PARP1: variants seen among roughly 807,000 people sequenced by gnomAD.
The protein encoded by PARP1 is poly [ADP-ribose] polymerase 1.
A neutral mutation model predicts 118.7 loss-of-function variants in PARP1; 44 were observed. The ratio of observed to expected loss-of-function variants is 0.37; its 90% CI spans 0.29 to 0.48. The LOEUF is 0.48. PARP1 is among the 20% of genes least tolerant of loss of function. PARP1 has a pLI of 0.99. For missense variants in PARP1, 1,100 were observed against 1,272.4 expected (o/e 0.86, Z 2.06); for synonymous variants, 492 against 483.2 (o/e 1.02, Z -0.24).
At chr1:226,381,260 C>T in intron 8 of PARP1, 52 bp from the exon 9 acceptor site, 1 of 1,610,402 alleles carries the variant, frequency 6.2e-7, no homozygotes, top group Non-Finnish European at 8.5e-7. Context: ...GTGCTGCTCC[C>T]CAGTAAGGGG....
intron 22 of PARP1, 42 bp from the exon 23 acceptor site, chr1:226,361,583 A>G (rs768370267): frequency 7.2e-7 from 1 of 1,388,184 alleles, no homozygotes; most frequent in South Asian, 1.2e-5. Context: ...CATACAACAG[A>G]GGGTATGTAC....
At chr1:226,394,146 C>G (rs986566857) in intron 2 of PARP1, among the ~76,000 whole-genome samples, 1 of 152,160 alleles carries the variant, frequency 6.6e-6, no homozygotes, top group African/African-American at 2.4e-5. Flanking sequence ...CCCAGGAGTT[C>G]AAGACCAGCC....
rs372843165 is a variant in PARP1, at chr1:226,365,796, A to AC, written c.2505+157_2505+158insG. On this transcript the variant is annotated intron_variant, in intron 18 of 22. Transcript: ENST00000366794. ...AAAAAAACAAAAAACAAACAAACAA[A>AC]AAAAAAACTACTAATTTTTCTGCTG... is the stretch of plus-strand genomic sequence containing the variant. Among the ~76,000 whole-genome samples the AC allele has an allele frequency of 6.6e-5, 10 of 151,162 alleles. 1 individual carries two copies. Among genetic ancestry groups the AC allele is most frequent in the African/African-American group, 2.4e-4 (10 of 41,098 alleles).
At chr1:226,388,576 T>G (rs377344397) in intron 5 of PARP1, 80 bp downstream of exon 5, 5 of 993,792 alleles carry the variant, frequency 5.0e-6, no homozygotes, top group African/African-American at 3.2e-5. Context: ...GGGACACAAC[T>G]CCTTGAATTG....
At position 226,366,008 on chromosome 1, in the gene PARP1, A is replaced by G. The variant is rs1191559209; in HGVS notation, c.2451T>C (p.Tyr817=). The G allele has an allele frequency of 1.9e-6, 3 of 1,613,664 alleles. No individual in the cohort carries two copies. The highest frequency in any genetic ancestry group is 1.1e-5 in the South Asian group (1 of 91,072). Residue 817 remains tyrosine (Y), a synonymous_variant, in exon 18 of 23, where the codon TAT becomes TAC. Coordinates refer to ENST00000366794, the MANE Select transcript of PARP1 (RefSeq NM_001618.4). ...GTGTGGTTGCATGAGTGTTCTTAACATACTTCCTGATGATCTCGGCTTCTT... is the reference window on the plus strand; with the variant it reads ...GTGTGGTTGCATGAGTGTTCTTAACGTACTTCCTGATGATCTCGGCTTCTT... ...DSEEAEIIRK[Y]VKNTHATTHN...
chr1:226,393,665 TG>T (rs1168196295), intron 2 of PARP1, among the ~76,000 whole-genome samples: 1 of 152,112 alleles, frequency 6.6e-6, no homozygotes, highest in Non-Finnish European at 1.5e-5. Flanking sequence ...AATTAATCTA[TG>T]GGGATAGAAA....
intron 20 of PARP1, 96 bp from the exon 21 acceptor site, chr1:226,363,256 AT>A: frequency 1.1e-6 from 1 of 875,066 alleles, no homozygotes; most frequent in East Asian, 2.4e-5. Flanking sequence ...CAGAGATGAG[AT>A]AAAAGTCCAC....
At position 226,407,830 on chromosome 1, in the gene PARP1, G is replaced by C. The variant is rs2102750262; in HGVS notation, c.100C>G (p.Arg34Gly). The change falls in exon 1 of 23, where the codon CGG becomes GGG. Residue 34 changes from arginine (R) to glycine (G), a missense_variant. Physicochemically the swap from Arg to Gly is moderately radical, Grantham distance 125. Around this residue, in one of 2 missense-constraint regions of PARP1, gnomAD observed 948 missense variants for 1,031.8 expected, o/e 0.92. Transcript: ENST00000366794. ...CGCACCTGCACCATGATGGCCATCC[G>C]GAGCGAGTCCTTGGGGATGCTCTCG... ...CSESIPKDSL[R>G]MAIMVQSPMF... 1.9e-6 allele frequency: 3 copies of C among 1,582,362 alleles called. No homozygotes were observed. Among genetic ancestry groups the C allele is most frequent in the Non-Finnish European group, 2.6e-6 (3 of 1,164,574 alleles).
intron 2 of PARP1, among the ~76,000 whole-genome samples, chr1:226,399,021 T>C (rs2102745438): frequency 6.6e-6 from 1 of 151,878 alleles, no homozygotes; most frequent in East Asian, 1.9e-4. Flanking sequence ...AATGGAATAT[T>C]ATTCAGTAAT....
chr1:226,407,771 G>T (rs774152625), intron 1 of PARP1, 39 bp downstream of exon 1: 3 of 1,473,806 alleles, frequency 2.0e-6, no homozygotes, highest in East Asian at 3.5e-5. Flanking sequence ...AACCCGGGGC[G>T]CCGCGTCCCC....
In PARP1 at chr1:226,373,812, A is replaced by C. The variant is rs1664440186; in HGVS notation, c.2070+414T>G. Among the ~76,000 whole-genome samples the C allele has an allele frequency of 2.0e-5, 3 of 152,180 alleles. No homozygotes were observed. In the South Asian group the frequency reaches 6.2e-4, roughly 32 times the overall value. ...GCTAATACACCTTGCCACAGCATGA[A>C]GAAGGGGAAAAATACAAAGGGTGGG... On this transcript the variant is annotated intron_variant, in intron 14 of 22. Coordinates refer to ENST00000366794, the MANE Select transcript of PARP1 (RefSeq NM_001618.4).
intron 12 of PARP1, among the ~76,000 whole-genome samples, chr1:226,377,665 C>T (rs1664519406): frequency 6.6e-6 from 1 of 152,080 alleles, no homozygotes; most frequent in Non-Finnish European, 1.5e-5. Flanking sequence ...GGAGTCAACC[C>T]TTACAGCTGT....
rs545114626 is a variant in PARP1, at chr1:226,363,335, C to T, written c.2787-175G>A. On this transcript the variant is annotated intron_variant, in intron 20 of 22. Coordinates refer to ENST00000366794, the MANE Select transcript of PARP1 (RefSeq NM_001618.4). Reference sequence around the variant, plus strand: ...TCTGGAACTGTTCCAGAACCTGAAACTGCAGTTGCGGCTGAACATAGTTTG... The same window carrying T: ...TCTGGAACTGTTCCAGAACCTGAAATTGCAGTTGCGGCTGAACATAGTTTG... Among the ~76,000 whole-genome samples, 51 of 152,302 alleles carry T rather than the reference C, an allele frequency of 3.3e-4. 1 individual carries two copies. The highest frequency in any genetic ancestry group is 1.2e-3 in the African/African-American group (48 of 41,568).
At chr1:226,392,380 G>T in intron 2 of PARP1, 66 bp from the exon 3 acceptor site, 1 of 1,106,906 alleles carries the variant, frequency 9.0e-7, no homozygotes, top group Non-Finnish European at 1.4e-6. Flanking sequence ...GAGGAGCCCC[G>T]TCCTCTTCTA....
chr1:226,375,507 C>T (rs1664470477), intron 13 of PARP1, among the ~76,000 whole-genome samples: 1 of 152,156 alleles, frequency 6.6e-6, no homozygotes. Context: ...TTAAATAATG[C>T]TCTGGACTGG....
intron 3 of PARP1, among the ~76,000 whole-genome samples, chr1:226,391,729 G>A (rs528638427): frequency 1.3e-5 from 2 of 152,288 alleles, no homozygotes; most frequent in African/African-American, 4.8e-5. Context: ...AGAAGGCTGC[G>A]GGGCACAAGC....
rs760709627 is a variant in PARP1, at chr1:226,402,197, C to A, written c.286+17G>T. The A allele has an allele frequency of 3.7e-6, 6 of 1,614,050 alleles. No homozygotes were observed. Among genetic ancestry groups the A allele is most frequent in the Non-Finnish European group, 4.2e-6 (5 of 1,180,036 alleles). ...GGGTGGGGGCTGAATGCCCATGCTG[C>A]CCCAGTATGTACACACCTGTCACTC... On this transcript the variant is annotated intron_variant, in intron 2 of 22. Coordinates refer to ENST00000366794, the MANE Select transcript of PARP1 (RefSeq NM_001618.4).
intron 4 of PARP1, 145 bp downstream of exon 4, chr1:226,390,265 G>A (rs1664796952): frequency 1.3e-6 from 1 of 767,414 alleles, no homozygotes; most frequent in Non-Finnish European, 2.3e-6. Context: ...CATCTCTGCT[G>A]TCACCATTCC....
chr1:226,369,355 C>G (rs1486924124), intron 15 of PARP1, among the ~76,000 whole-genome samples: 1 of 152,240 alleles, frequency 6.6e-6, no homozygotes, highest in African/African-American at 2.4e-5. Context: ...ATAAGCGGAA[C>G]CCTCCAGCCC....
Sources: allele counts gnomAD v4.1 joint callset (sites outside exome capture counted in the v4.1 genomes callset), GRCh38; gene constraint gnomAD v4.1.1; regional missense constraint gnomAD v4.1.1; transcripts MANE v1.5; gene names NCBI Gene and HGNC (gene_info 2026-07-23, HGNC 2026-07-21).